KIRREL3: variants seen among roughly 807,000 people sequenced by gnomAD.
KIRREL3 encodes the protein kin of IRRE-like protein 3.
Under a neutral mutation model 89.7 loss-of-function variants are expected in KIRREL3, and 36 were observed. The ratio of observed to expected loss-of-function variants is 0.40; its 90% CI spans 0.31 to 0.53. KIRREL3 has a LOEUF of 0.53. Ranked by LOEUF, KIRREL3 falls within the 20% of genes least tolerant of loss-of-function variation. The pLI is 0.49. For synonymous variants in KIRREL3, 445 were observed against 441.4 expected (o/e 1.01, Z -0.10); for missense variants, 864 against 1,056.6 (o/e 0.82, Z 2.53).
chr11:126,518,616 T>C (rs1162385981), intron 4 of KIRREL3, among the ~76,000 whole-genome samples: 1 of 152,240 alleles, frequency 6.6e-6, no homozygotes, highest in Non-Finnish European at 1.5e-5. Context: ...GCTGGGACAT[T>C]TTCCCGGGCT....
chr11:126,774,077 C>G (rs975451604), intron 1 of KIRREL3, among the ~76,000 whole-genome samples: 3 of 151,746 alleles, frequency 2.0e-5, no homozygotes, highest in Non-Finnish European at 4.4e-5. Context: ...GGAGAAATAC[C>G]TCTTTGTGGC....
chr11:126,499,081 G>A (rs1322240694), intron 4 of KIRREL3, among the ~76,000 whole-genome samples: 3 of 150,640 alleles, frequency 2.0e-5, no homozygotes, highest in African/African-American at 4.9e-5. Flanking sequence ...GAACCTGGGA[G>A]ACGGAAGTTG....
At chr11:126,899,941 T>C (rs955594977) in intron 1 of KIRREL3, among the ~76,000 whole-genome samples, 3 of 152,236 alleles carry the variant, frequency 2.0e-5, no homozygotes, top group Non-Finnish European at 4.4e-5. Flanking sequence ...AGAGCTTTCC[T>C]AGTGCTCAAA....
intron 7 of KIRREL3, among the ~76,000 whole-genome samples, chr11:126,450,424 C>T (rs867335391): frequency 1.7e-4 from 21 of 123,274 alleles, no homozygotes; most frequent in Middle Eastern, 0.017. Flanking sequence ...TGTGAGTGGG[C>T]ATGTATGTGT....
chr11:126,958,239 C>T (rs1456514612), intron 1 of KIRREL3, among the ~76,000 whole-genome samples: 1 of 152,138 alleles, frequency 6.6e-6, no homozygotes, highest in Non-Finnish European at 1.5e-5. Context: ...GTAATTGTGA[C>T]CATTAGTTAG....
intron 4 of KIRREL3, among the ~76,000 whole-genome samples, chr11:126,479,143 C>T (rs976973825): frequency 6.6e-6 from 1 of 152,146 alleles, no homozygotes; most frequent in Admixed American, 6.5e-5. Flanking sequence ...TGTTCTGCCG[C>T]AGACCCAGGG....
intron 1 of KIRREL3, among the ~76,000 whole-genome samples, chr11:126,781,212 T>C (rs940985028): frequency 2.6e-5 from 4 of 152,306 alleles, no homozygotes; most frequent in Non-Finnish European, 2.9e-5. Context: ...GTTGGACACA[T>C]AATTTAATCT....
At position 126,683,324 on chromosome 11, in the gene KIRREL3, T is replaced by A. The variant is rs1160497177; in HGVS notation, c.56-120412A>T. On this transcript the variant is annotated intron_variant, in intron 1 of 16. Transcript: ENST00000525144. This position sits in a 1 kb window ranked among gnomAD's most constrained non-coding sequence, Gnocchi z 5.2. ...GTTGGGGTTGTGAAATATTAGAACG[T>A]GTGGATAGTCTGATGGTTTGCAAGT... Among the ~76,000 whole-genome samples the A allele has an allele frequency of 6.6e-6, 1 of 152,146 alleles. No homozygotes were observed. The highest frequency in any genetic ancestry group is 1.5e-5 in the Non-Finnish European group (1 of 68,026).
In KIRREL3 at chr11:126,722,013, C is replaced by T. The variant is rs192907618; in HGVS notation, c.56-159101G>A. Among the ~76,000 whole-genome samples, 256 of 152,312 alleles carry T rather than the reference C, an allele frequency of 1.7e-3. 2 individuals carry two copies. The highest frequency in any genetic ancestry group is 1.9e-3 in the Non-Finnish European group (128 of 68,018). On this transcript the variant is annotated intron_variant, in intron 1 of 16. Transcript: ENST00000525144. ...TCCTTCCCTGTGAACAATGTCAGGA[C>T]CCCTTAGCATGGCAGTCAAGGCTCC...
rs1361111551 is a variant in KIRREL3, at chr11:126,640,471, C to T, written c.56-77559G>A. Among the ~76,000 whole-genome samples, 1 of 152,172 alleles carries T rather than the reference C, an allele frequency of 6.6e-6. No individual in the cohort carries two copies. Among genetic ancestry groups the T allele is most frequent in the Non-Finnish European group, 1.5e-5 (1 of 68,038 alleles). On this transcript the variant is annotated intron_variant, in intron 1 of 16. Coordinates refer to ENST00000525144, the MANE Select transcript of KIRREL3 (RefSeq NM_032531.4). This position sits in a 1 kb window ranked among gnomAD's most constrained non-coding sequence, Gnocchi z 4.9. ...ACATCAAAAGCATTCCAATCTGTTC[C>T]CTGCATACATTACATGCATAGATCT...
chr11:126,676,827 T>C lies in KIRREL3; in HGVS notation c.56-113915A>G, dbSNP rs1221834702. 1.3e-5 allele frequency among the ~76,000 whole-genome samples: 2 copies of C among 152,024 alleles called. No homozygotes were observed. Among genetic ancestry groups the C allele is most frequent in the Non-Finnish European group, 2.9e-5 (2 of 67,980 alleles). Reference sequence around the variant, plus strand: ...TGAGACAGAGTCTCCCTCTGCCATCTGGACTGGTATACAGTGGCTCAACCA... The same window carrying C: ...TGAGACAGAGTCTCCCTCTGCCATCCGGACTGGTATACAGTGGCTCAACCA... On this transcript the variant is annotated intron_variant, in intron 1 of 16. Coordinates refer to ENST00000525144, the MANE Select transcript of KIRREL3 (RefSeq NM_032531.4). The surrounding 1 kb of genome is among the most constrained non-coding windows in gnomAD (Gnocchi z 4.5).
rs936798773 is a variant in KIRREL3 at position 126,640,829 on chromosome 11, G to A, written c.56-77917C>T. Among the ~76,000 whole-genome samples, 1 of 152,074 alleles carries A rather than the reference G, an allele frequency of 6.6e-6. No individual in the cohort carries two copies. Among genetic ancestry groups the A allele is most frequent in the African/African-American group, 2.4e-5 (1 of 41,394 alleles). On this transcript the variant is annotated intron_variant, in intron 1 of 16. Transcript: ENST00000525144. This position sits in a 1 kb window ranked among gnomAD's most constrained non-coding sequence, Gnocchi z 4.9. ...TTCCCTCCTACGTCACTGACTTATT[G>A]CTGGCATCTCCTCCCCTTGACCTTC...
chr11:126,988,073 G>T (rs1375554194), intron 1 of KIRREL3, among the ~76,000 whole-genome samples: 1 of 152,166 alleles, frequency 6.6e-6, no homozygotes, highest in Non-Finnish European at 1.5e-5. Context: ...GAAAAGGAGG[G>T]TTTTGAAGTT....
At position 126,568,480 on chromosome 11, in the gene KIRREL3, G is replaced by A. The variant is rs1190769723; in HGVS notation, c.56-5568C>T. On this transcript the variant is annotated intron_variant, in intron 1 of 16. Transcript: ENST00000525144. The surrounding 1 kb of genome is among the most constrained non-coding windows in gnomAD (Gnocchi z 4.6). ...CCTGCCACGTTGACATAGAGAGCAG[G>A]GGAGGGGCTGAAAAAATAGCTCCCA... Among the ~76,000 whole-genome samples, 1 of 152,184 alleles carries A rather than the reference G, an allele frequency of 6.6e-6. No homozygotes were observed. The highest frequency in any genetic ancestry group is 2.4e-5 in the African/African-American group (1 of 41,442).
rs1956614704 is a variant in KIRREL3 at position 126,463,370 on chromosome 11, G to A, written c.592-63C>T. The A allele has an allele frequency of 3.9e-6, 6 of 1,537,870 alleles. No homozygotes were observed. ...CGCTTGGCTGGGGTGGCCAGCCTGG[G>A]TTGGGGGTAAACGAGCACCAGCTTA... is the stretch of plus-strand genomic sequence containing the variant. On this transcript the variant is annotated intron_variant, in intron 5 of 16. Transcript: ENST00000525144. The surrounding 1 kb of genome is among the most constrained non-coding windows in gnomAD (Gnocchi z 5.9).
chr11:126,639,692 C>T lies in KIRREL3; in HGVS notation c.56-76780G>A, dbSNP rs935913380. 2.6e-5 allele frequency among the ~76,000 whole-genome samples: 4 copies of T among 152,246 alleles called. No homozygotes were observed. Among genetic ancestry groups the T allele is most frequent in the African/African-American group, 7.2e-5 (3 of 41,540 alleles). ...TATTCTCCCTGGTGTTGATTTTGTT[C>T]AAATATATTGGGCCCATCAATCACC... On this transcript the variant is annotated intron_variant, in intron 1 of 16. Transcript: ENST00000525144. This position sits in a 1 kb window ranked among gnomAD's most constrained non-coding sequence, Gnocchi z 4.3.
intron 2 of KIRREL3, among the ~76,000 whole-genome samples, chr11:126,559,518 T>C (rs1939953409): frequency 6.6e-6 from 1 of 151,064 alleles, no homozygotes; most frequent in Non-Finnish European, 1.5e-5. Flanking sequence ...TGCCACTCGA[T>C]ACACACACCA....
rs1057230569 is a variant in KIRREL3 at position 126,555,856 on chromosome 11, T to C, written c.133+6979A>G. On this transcript the variant is annotated intron_variant, in intron 2 of 16. Transcript: ENST00000525144. This position sits in a 1 kb window ranked among gnomAD's most constrained non-coding sequence, Gnocchi z 4.2. ...CCCAGGTTCAAGTGACTCTCCTGCCTCAGCCTCCCAAGTAGTTGGGATTAC... is the reference window on the plus strand; with the variant it reads ...CCCAGGTTCAAGTGACTCTCCTGCCCCAGCCTCCCAAGTAGTTGGGATTAC... 6.6e-6 allele frequency among the ~76,000 whole-genome samples: 1 copy of C among 151,752 alleles called. No individual in the cohort carries two copies. The highest frequency in any genetic ancestry group is 1.5e-5 in the Non-Finnish European group (1 of 67,956).
chr11:126,854,273 G>A (rs1023252469), intron 1 of KIRREL3, among the ~76,000 whole-genome samples: 4 of 151,822 alleles, frequency 2.6e-5, no homozygotes, highest in Admixed American at 6.6e-5. Flanking sequence ...TATTTTAATG[G>A]TAGAGTTCAG....
Sources: gnomAD v4.1 joint callset for allele counts (sites outside exome capture counted in the v4.1 genomes callset) on GRCh38, gnomAD v4.1.1 for gene constraint, Gnocchi (gnomAD v3.1) non-coding constraint, MANE v1.5 for transcripts, NCBI Gene and HGNC (gene_info 2026-07-23, HGNC 2026-07-21) for gene names.